MEIKIN: variants seen among roughly 807,000 people sequenced by gnomAD.
The protein encoded by MEIKIN is meiotic kinetochore factor.
chr5:131,888,980 T>C (rs945734981), intron 8 of MEIKIN, among the ~76,000 whole-genome samples: 1 of 152,228 alleles, frequency 6.6e-6, no homozygotes, highest in South Asian at 2.1e-4. Context: ...GTTTTTCCCA[T>C]TGCTTGTTTA....
At chr5:131,834,927 G>A (rs1332283691) in intron 11 of MEIKIN, among the ~76,000 whole-genome samples, 1 of 151,172 alleles carries the variant, frequency 6.6e-6, no homozygotes, top group East Asian at 2.0e-4. Context: ...AGTGTACAAG[G>A]GTTCCATTTC....
chr5:131,888,081 C>T (rs1170421201), intron 8 of MEIKIN, among the ~76,000 whole-genome samples: 29 of 143,724 alleles, frequency 2.0e-4, no homozygotes, highest in Admixed American at 1.2e-3. Flanking sequence ...GGTATATATG[C>T]GCCACATTTT....
chr5:131,820,034 C>T (rs1414715560), intron 11 of MEIKIN, among the ~76,000 whole-genome samples: 2 of 145,642 alleles, frequency 1.4e-5, no homozygotes, highest in East Asian at 4.0e-4. Flanking sequence ...CTCGGCCTCC[C>T]AAAGTGCTGG....
rs1352635650 is a variant in MEIKIN, at chr5:131,880,434, G to A, written c.704-1386C>T. The stretch of plus-strand genomic sequence containing the variant: ...TTTTTTTTTTTAAGTAGAGACGGGG[G>A]TCTCACCATGTTGGCCAGGCTGGTC... On this transcript the variant is annotated intron_variant, in intron 8 of 12. Transcript: ENST00000442687. Among the ~76,000 whole-genome samples, 6 of 147,044 alleles carry A rather than the reference G, an allele frequency of 4.1e-5. No individual in the cohort carries two copies. The East Asian group carries it at 9.9e-4, about 24-fold the overall frequency.
At chr5:131,898,386 C>A (rs2149637809) in intron 8 of MEIKIN, among the ~76,000 whole-genome samples, 1 of 152,332 alleles carries the variant, frequency 6.6e-6, no homozygotes, top group South Asian at 2.1e-4. Context: ...GGGTCAGGGA[C>A]CCACTTGAGG....
At chr5:131,934,511 C>T (rs1751742035) in intron 4 of MEIKIN, among the ~76,000 whole-genome samples, 1 of 151,912 alleles carries the variant, frequency 6.6e-6, no homozygotes, top group Non-Finnish European at 1.5e-5. Context: ...ACTAGGTATC[C>T]ATATAAAAAA....
At chr5:131,830,025 T>A (rs1489668491) in intron 11 of MEIKIN, among the ~76,000 whole-genome samples, 3 of 152,224 alleles carry the variant, frequency 2.0e-5, no homozygotes, top group Non-Finnish European at 4.4e-5. Context: ...TAATTTACTC[T>A]AGGAGAAACA....
chr5:131,919,127 T>G (rs1361976833), intron 6 of MEIKIN, among the ~76,000 whole-genome samples: 1 of 152,200 alleles, frequency 6.6e-6, no homozygotes, highest in Admixed American at 6.5e-5. Context: ...GAAAAATGTT[T>G]AAACTCACAT....
intron 9 of MEIKIN, among the ~76,000 whole-genome samples, chr5:131,860,257 C>A (rs1190542687): frequency 7.5e-6 from 1 of 134,196 alleles, no homozygotes; most frequent in African/African-American, 2.9e-5. Flanking sequence ...AGATCTTTCA[C>A]TTCTTGGTTA....
At chr5:131,892,688 A>T (rs1750950758) in intron 8 of MEIKIN, among the ~76,000 whole-genome samples, 1 of 152,124 alleles carries the variant, frequency 6.6e-6, no homozygotes, top group African/African-American at 2.4e-5. Context: ...GAGTAGTTTG[A>T]TCATCTGAAG....
intron 8 of MEIKIN, among the ~76,000 whole-genome samples, chr5:131,902,583 A>G (rs903914943): frequency 6.6e-6 from 1 of 152,142 alleles, no homozygotes; most frequent in African/African-American, 2.4e-5. Flanking sequence ...CCATGAGCCA[A>G]TTAAGCCTCT....
At chr5:131,832,461 G>A (rs180875369) in intron 11 of MEIKIN, among the ~76,000 whole-genome samples, 17 of 152,276 alleles carry the variant, frequency 1.1e-4, no homozygotes, top group Admixed American at 9.8e-4. Context: ...TTGAGTGTCT[G>A]TGGCTTTTCT....
chr5:131,945,589 G>A lies in MEIKIN; in HGVS notation c.-84C>T, dbSNP rs933784057. ...CCTGAGGATCAGGGCTAAGTCACAG[G>A]GAGTCAGCGTCCAGGCGAGGCCCGC... On this transcript the variant is annotated 5_prime_UTR_variant, in exon 1 of 13. Transcript: ENST00000442687. 1.3e-5 allele frequency: 5 copies of A among 399,556 alleles called. No individual in the cohort carries two copies. The highest frequency in any genetic ancestry group is 6.2e-4 in the Middle Eastern group (1 of 1,608). The allele number at this position is 399,556 out of a possible 1,614,324, so 24.8% of individuals were successfully genotyped here.
intron 11 of MEIKIN, among the ~76,000 whole-genome samples, chr5:131,834,745 G>T (rs942394189): frequency 6.6e-6 from 1 of 152,072 alleles, no homozygotes; most frequent in Non-Finnish European, 1.5e-5. Flanking sequence ...CTTGACTATT[G>T]TAAATATTGC....
chr5:131,892,677 G>A (rs769676870), intron 8 of MEIKIN, among the ~76,000 whole-genome samples: 41 of 152,098 alleles, frequency 2.7e-4, no homozygotes, highest in Non-Finnish European at 5.6e-4. Flanking sequence ...CCTTTAGCTC[G>A]GAGTAGTTTG....
At chr5:131,911,545 T>C (rs185836737) in intron 8 of MEIKIN, among the ~76,000 whole-genome samples, 28 of 151,912 alleles carry the variant, frequency 1.8e-4, no homozygotes, top group African/African-American at 6.7e-4. Context: ...TCACTTCCAC[T>C]AGTATATATA....
chr5:131,913,362 T>C (rs1326164316), intron 7 of MEIKIN, among the ~76,000 whole-genome samples: 2 of 152,226 alleles, frequency 1.3e-5, no homozygotes, highest in Non-Finnish European at 1.5e-5. Flanking sequence ...ACTCTGAAAG[T>C]ATATCTAGCT....
At position 131,818,775 on chromosome 5, in the gene MEIKIN, T is replaced by C; in HGVS notation, c.1064A>G (p.Lys355Arg). Residue 355 changes from lysine to arginine, a missense_variant, in exon 12 of 13, where the codon AAG becomes AGG. By Grantham distance (26) the Lys-to-Arg change is conservative. Coordinates refer to ENST00000442687, the MANE Select transcript of MEIKIN (RefSeq NM_001303622.2). The stretch of plus-strand genomic sequence containing the variant: ...ATCCTTAGGAAGAGAATATTTCTTC[T>C]TCTTTACAATAACACCTTTATTTTT... ...QVKNKGVIVK[K>R]KKYSLPKDTP... is the part of the protein sequence containing the mutation. The C allele has an allele frequency of 2.5e-6, 1 of 398,216 alleles. No homozygotes were observed. 24.7% of individuals were successfully genotyped at this position (398,216 alleles called of 1,614,324 possible).
intron 11 of MEIKIN, among the ~76,000 whole-genome samples, chr5:131,843,677 A>C (rs1749959220): frequency 6.6e-6 from 1 of 152,230 alleles, no homozygotes; most frequent in Admixed American, 6.5e-5. Flanking sequence ...CTGAGACCTC[A>C]TCAGCCTGGC....
Sources: allele counts gnomAD v4.1 joint callset (sites outside exome capture counted in the v4.1 genomes callset), GRCh38; gene constraint gnomAD v4.1.1; transcripts MANE v1.5; gene names NCBI Gene and HGNC (gene_info 2026-07-23, HGNC 2026-07-21).